Variants in ANKRD44 observed in about 807,000 individuals in gnomAD.
The protein encoded by ANKRD44 is ankyrin repeat domain 44, also known as serine/threonine-protein phosphatase 6 regulatory ankyrin repeat subunit B.
Under a neutral mutation model 116.0 loss-of-function variants are expected in ANKRD44, and 35 were observed. The observed-to-expected ratio is 0.30, with a 90% CI of 0.23 to 0.40. The LOEUF (loss-of-function observed/expected upper bound fraction) is 0.40. Among genes scored for constraint, ANKRD44 ranks in the 10% least tolerant of loss-of-function variants. The pLI, the probability that ANKRD44 is intolerant of heterozygous loss-of-function variation, is 1.00. For missense variants in ANKRD44, 1,014 were observed against 1,242.6 expected (o/e 0.82, Z 2.77); for synonymous variants, 435 against 461.8 (o/e 0.94, Z 0.74).
chr2:197,304,495 C>T (rs984865079), intron 1 of ANKRD44, among the ~76,000 whole-genome samples: 8 of 152,052 alleles, frequency 5.3e-5, no homozygotes, highest in Non-Finnish European at 1.0e-4. Context: ...GCAAATACAC[C>T]CTTCATAGGC....
chr2:197,072,185 C>T (rs957644801), intron 16 of ANKRD44, among the ~76,000 whole-genome samples: 1 of 152,098 alleles, frequency 6.6e-6, no homozygotes, highest in African/African-American at 2.4e-5. Flanking sequence ...TTGTAAACTG[C>T]CTTCTCTTTA....
chr2:196,971,076 G>A (rs2075712239), intron 21 of ANKRD44, among the ~76,000 whole-genome samples: 2 of 151,542 alleles, frequency 1.3e-5, no homozygotes, highest in Non-Finnish European at 2.9e-5. Flanking sequence ...TATTTTTTTT[G>A]CATATAAACC....
At chr2:197,188,621 T>C (rs1181945948) in intron 1 of ANKRD44, among the ~76,000 whole-genome samples, 2 of 152,170 alleles carry the variant, frequency 1.3e-5, no homozygotes, top group Non-Finnish European at 2.9e-5. Context: ...TCAAATGAGG[T>C]AGTACATGAG....
At chr2:197,118,639 GA>G (rs751783789) in intron 8 of ANKRD44, among the ~76,000 whole-genome samples, 74 of 135,916 alleles carry the variant, frequency 5.4e-4, no homozygotes, top group African/African-American at 1.8e-3. Context: ...GAGAGAGAGA[GA>G]AAGAAAGAAA....
rs1018622800 is a variant in ANKRD44, at chr2:197,001,671, C to CT, written c.2435+81dup. 3.9e-6 allele frequency: 4 copies of CT among 1,029,982 alleles called. No homozygotes were observed. In the Admixed American group the frequency reaches 7.2e-5, roughly 18 times the overall value. 63.8% of individuals were successfully genotyped at this position (1,029,982 alleles called of 1,614,324 possible). On this transcript the variant is annotated intron_variant, in intron 22 of 27. Transcript: ENST00000282272. The stretch of plus-strand genomic sequence containing the variant: ...TCAGTCTTATCTGTAATCTAAAAGA[C>CT]TTTTTTCCCTACAAAGCAACTTTTC...
intron 27 of ANKRD44, among the ~76,000 whole-genome samples, chr2:196,991,287 A>G (rs1574227485): frequency 6.6e-6 from 1 of 152,082 alleles, no homozygotes; most frequent in East Asian, 1.9e-4. Context: ...AATCAGGAGG[A>G]TGTTTCCGCC....
chr2:197,150,706 G>T (rs181342055), intron 2 of ANKRD44, among the ~76,000 whole-genome samples: 6 of 152,178 alleles, frequency 3.9e-5, no homozygotes, highest in African/African-American at 1.2e-4. Flanking sequence ...AATAGAAAGG[G>T]GTCAGAAATG....
At chr2:196,979,554 C>CCTTTTTGTTTTTTT (rs2075785197) in intron 21 of ANKRD44, among the ~76,000 whole-genome samples, 1 of 59,634 alleles carries the variant, frequency 1.7e-5, no homozygotes, top group African/African-American at 6.4e-5. Flanking sequence ...AATAAGATGA[C>CCTTTTTGTTTTTTT]TTTTTTTTTT....
intron 21 of ANKRD44, among the ~76,000 whole-genome samples, chr2:196,979,382 C>CAAAAAAA (rs778459937): frequency 1.2e-4 from 5 of 40,562 alleles, no homozygotes; most frequent in African/African-American, 1.6e-4. Context: ...GACTCCGTCT[C>CAAAAAAA]AAAAAAAAAA....
intron 1 of ANKRD44, among the ~76,000 whole-genome samples, chr2:197,247,008 T>C (rs1479513932): frequency 6.6e-6 from 1 of 152,178 alleles, no homozygotes; most frequent in African/African-American, 2.4e-5. Flanking sequence ...ATCTTTCCAG[T>C]CTCGTTTCTC....
rs1178483048 is a variant in ANKRD44, at chr2:197,068,040, G to A, written c.1650+10663C>T. Among the ~76,000 whole-genome samples, 4 of 143,936 alleles carry A rather than the reference G, an allele frequency of 2.8e-5. 1 individual carries two copies. In the South Asian group the frequency reaches 6.9e-4, roughly 25 times the overall value. 94.4% of individuals were successfully genotyped at this position (143,936 alleles called of 152,430 possible). Reference sequence around the variant, plus strand: ...GGAATACTATGCAGCCATAAAAAATGATGAGTTCATATCCTTTGTAGGGAC... The same window carrying A: ...GGAATACTATGCAGCCATAAAAAATAATGAGTTCATATCCTTTGTAGGGAC... On this transcript the variant is annotated intron_variant, in intron 16 of 27. Coordinates refer to ENST00000282272, the MANE Select transcript of ANKRD44 (RefSeq NM_001195144.2).
intron 25 of ANKRD44, 77 bp downstream of exon 25, chr2:196,998,260 C>G (rs765236297): frequency 9.0e-7 from 1 of 1,113,102 alleles, no homozygotes; most frequent in Non-Finnish European, 1.3e-6. Flanking sequence ...TACACAGTTC[C>G]GAGGTAGAAT....
At chr2:197,256,212 A>G (rs922209639) in intron 1 of ANKRD44, among the ~76,000 whole-genome samples, 1 of 152,208 alleles carries the variant, frequency 6.6e-6, no homozygotes, top group Admixed American at 6.5e-5. Flanking sequence ...CAGATAATGA[A>G]CTAGTTTCTA....
At chr2:196,973,912 T>C (rs1370492535) in intron 21 of ANKRD44, among the ~76,000 whole-genome samples, 1 of 152,188 alleles carries the variant, frequency 6.6e-6, no homozygotes, top group Non-Finnish European at 1.5e-5. Flanking sequence ...GACTTTTATG[T>C]TATCTGTGAA....
intron 22 of ANKRD44, among the ~76,000 whole-genome samples, chr2:197,001,508 A>C (rs1021816731): frequency 6.6e-6 from 1 of 151,954 alleles, no homozygotes; most frequent in African/African-American, 2.4e-5. Context: ...TGCACCTCTC[A>C]CTCTACCCCT....
At chr2:196,993,312 A>C (rs954998029) in intron 27 of ANKRD44, among the ~76,000 whole-genome samples, 3 of 152,182 alleles carry the variant, frequency 2.0e-5, no homozygotes, top group Admixed American at 1.3e-4. Flanking sequence ...AGTGTGTCTA[A>C]GATATTTTAA....
chr2:196,984,162 A>C (rs2075821440), downstream of ANKRD44, among the ~76,000 whole-genome samples: 1 of 152,242 alleles, frequency 6.6e-6, no homozygotes, highest in African/African-American at 2.4e-5. Context: ...CAGAAACAAG[A>C]GAAAGGCAAA....
intron 16 of ANKRD44, among the ~76,000 whole-genome samples, chr2:197,027,047 A>C (rs777882404): frequency 6.6e-6 from 1 of 151,882 alleles, no homozygotes; most frequent in Non-Finnish European, 1.5e-5. Context: ...GTGAAATTTG[A>C]GATGTTTATA....
At chr2:197,154,854 T>C (rs369523238) in intron 2 of ANKRD44, among the ~76,000 whole-genome samples, 1 of 152,182 alleles carries the variant, frequency 6.6e-6, no homozygotes, top group Non-Finnish European at 1.5e-5. Context: ...CACCACACAA[T>C]TGTATTCAAC....
Sources: gnomAD v4.1 joint callset for allele counts (sites outside exome capture counted in the v4.1 genomes callset) on GRCh38, gnomAD v4.1.1 for gene constraint, MANE v1.5 for transcripts, NCBI Gene and HGNC (gene_info 2026-07-23, HGNC 2026-07-21) for gene names.